FMR1NB: variants seen among roughly 807,000 people sequenced by gnomAD.
The protein encoded by FMR1NB is FMR1 neighbor protein.
A neutral mutation model predicts 16.8 loss-of-function variants in FMR1NB; 10 were observed. That is an observed-to-expected ratio of 0.60 (90% CI 0.37 to 1.01). FMR1NB has a LOEUF of 1.01. FMR1NB is among the 50% of genes least tolerant of loss of function. FMR1NB has a pLI of 0.01. For synonymous variants in FMR1NB, 83 were observed against 79.1 expected, an observed-to-expected ratio of 1.05 and a Z score of -0.26; for missense variants, 205 against 204.8, an observed-to-expected ratio of 1.00 and a Z score of 0.00.
intron 1 of FMR1NB, among the ~76,000 whole-genome samples, chrX:147,998,192 T>C (rs1259910413): frequency 8.9e-6 from 1 of 112,241 alleles, no homozygotes; most frequent in African/African-American, 3.2e-5. Flanking sequence ...TAGCAAAGAC[T>C]TGGAACCAAC....
intron 4 of FMR1NB, among the ~76,000 whole-genome samples, chrX:148,022,671 A>G (rs533364520): frequency 1.1e-4 from 12 of 111,527 alleles, no homozygotes; most frequent in South Asian, 7.7e-4. Context: ...ATTAGGTAGA[A>G]TAGCTAACCT....
chrX:147,998,628 G>T lies in FMR1NB; in HGVS notation c.278-4573G>T, dbSNP rs782091284. ...AAAAAGACAAAGTTTATAAAGATTTGCCCTATGGCAAGTGATGTCAGCCGT... is the reference window on the plus strand; with the variant it reads ...AAAAAGACAAAGTTTATAAAGATTTTCCCTATGGCAAGTGATGTCAGCCGT... On this transcript the variant is annotated intron_variant, in intron 1 of 5. Transcript: ENST00000370467. Among the ~76,000 whole-genome samples the T allele has an allele frequency of 1.4e-4, 16 of 112,654 alleles. No homozygotes were observed. In the South Asian group the frequency reaches 5.9e-3, roughly 41 times the overall value.
chrX:148,020,537 A>AC (rs2044673114), intron 4 of FMR1NB, among the ~76,000 whole-genome samples: 1 of 111,697 alleles, frequency 9.0e-6, no homozygotes, highest in Admixed American at 9.5e-5. Context: ...TCAAAGTCTC[A>AC]CCCAAGGCTC....
chrX:148,015,330 G>T (rs782570881), intron 4 of FMR1NB, among the ~76,000 whole-genome samples: 1 of 110,813 alleles, frequency 9.0e-6, no homozygotes, highest in South Asian at 3.8e-4. Flanking sequence ...ATTTATTTCT[G>T]CTCTCATCTT....
At chrX:148,018,890 C>A (rs1557190369) in intron 4 of FMR1NB, among the ~76,000 whole-genome samples, 1 of 111,393 alleles carries the variant, frequency 9.0e-6, no homozygotes, top group Non-Finnish European at 1.9e-5. Context: ...AACAGGCAAC[C>A]TACAAAATGG....
intron 4 of FMR1NB, among the ~76,000 whole-genome samples, chrX:148,021,094 G>A (rs1165956802): frequency 2.7e-5 from 3 of 111,961 alleles, no homozygotes; most frequent in African/African-American, 9.8e-5. Context: ...TTCCTCTCTG[G>A]CTAGGTCTGG....
chrX:147,998,243 G>T (rs1342426843), intron 1 of FMR1NB, among the ~76,000 whole-genome samples: 1 of 112,124 alleles, frequency 8.9e-6, no homozygotes, highest in Non-Finnish European at 1.9e-5. Flanking sequence ...AGAAAATATG[G>T]CACATATACA....
chrX:148,010,330 C>T (rs1307427182), intron 4 of FMR1NB, among the ~76,000 whole-genome samples: 2 of 112,338 alleles, frequency 1.8e-5, no homozygotes, highest in African/African-American at 6.5e-5. Context: ...GAGCAGGTAG[C>T]AGATTCATCT....
chrX:148,001,600 A>C (rs2044570755), intron 1 of FMR1NB, among the ~76,000 whole-genome samples: 1 of 110,386 alleles, frequency 9.1e-6, no homozygotes, highest in Admixed American at 9.8e-5. Flanking sequence ...AAATACAAAA[A>C]TTAGTTGAGC....
chrX:147,995,217 C>T (rs1056885464), intron 1 of FMR1NB, among the ~76,000 whole-genome samples: 1 of 112,125 alleles, frequency 8.9e-6, no homozygotes, highest in Non-Finnish European at 1.9e-5. Context: ...TGTTTTAAGC[C>T]ACCCAGTTTA....
At position 148,003,234 on chromosome X, in the gene FMR1NB, T is replaced by A. The variant is rs2044579803; in HGVS notation, c.311T>A (p.Ile104Asn). 1 of 1,210,629 alleles carries A rather than the reference T, an allele frequency of 8.3e-7. No homozygotes were observed. The highest frequency in any genetic ancestry group is 1.1e-6 in the Non-Finnish European group (1 of 894,332). ...SSYFVLANGHILPNSENAHGQ... is the reference protein window; with the variant it reads ...SSYFVLANGHNLPNSENAHGQ... ...TATTTTGTGCTTGCAAATGGACATA[T>A]CCTGCCCAACAGTGAAAATGCTCAT... The change falls in exon 2 of 6, where the codon ATC becomes AAC. Residue 104 changes from isoleucine (I) to asparagine (N), a missense_variant. Coordinates refer to ENST00000370467, the MANE Select transcript of FMR1NB (RefSeq NM_152578.3).
At chrX:147,993,395 G>GGGGAGA (rs200833296) in intron 1 of FMR1NB, among the ~76,000 whole-genome samples, 22,240 of 107,583 alleles carry the variant, frequency 0.21, 2,056 homozygotes, top group East Asian at 0.64. Flanking sequence ...GGGAGACCGT[G>GGGGAGA]GGGAGAGGGA....
intron 2 of FMR1NB, 121 bp downstream of exon 2, chrX:148,003,441 T>C: frequency 2.6e-6 from 2 of 777,448 alleles, no homozygotes; most frequent in East Asian, 6.8e-5. Flanking sequence ...GTTTGAATCC[T>C]GGCTCTGCTC....
At chrX:147,983,134 T>G (rs1344921408) in intron 1 of FMR1NB, among the ~76,000 whole-genome samples, 1 of 111,820 alleles carries the variant, frequency 8.9e-6, no homozygotes, top group Non-Finnish European at 1.9e-5. Context: ...TGTAGGGATA[T>G]ACTATATTTT....
chrX:147,996,412 G>C (rs1434981622), intron 1 of FMR1NB, among the ~76,000 whole-genome samples: 5 of 111,114 alleles, frequency 4.5e-5, no homozygotes, highest in Admixed American at 2.9e-4. Flanking sequence ...GCAGAGTCAG[G>C]ATACAAACTC....
intron 1 of FMR1NB, among the ~76,000 whole-genome samples, chrX:147,982,899 A>T (rs1482344892): frequency 8.9e-6 from 1 of 112,355 alleles, no homozygotes; most frequent in Non-Finnish European, 1.9e-5. Flanking sequence ...ATCTCAAAAA[A>T]ATGAAAAAAA....
At chrX:148,016,577 G>A (rs946066066) in intron 4 of FMR1NB, among the ~76,000 whole-genome samples, 4 of 111,204 alleles carry the variant, frequency 3.6e-5, no homozygotes, top group African/African-American at 6.5e-5. Flanking sequence ...ACTTTCTCTG[G>A]TGATATGATT....
In FMR1NB at chrX:148,025,027, G is replaced by A; in HGVS notation, c.*13+14G>A. On this transcript the variant is annotated intron_variant, in intron 5 of 5. Transcript: ENST00000370467. ...AAGAGACCAAAGGTAATTGACAATA[G>A]GATATAAAGTTGAAGTGCTCAATCT... 2.5e-6 allele frequency: 3 copies of A among 1,202,038 alleles called. No individual in the cohort carries two copies. Among genetic ancestry groups the A allele is most frequent in the Non-Finnish European group, 3.4e-6 (3 of 889,613 alleles).
intron 4 of FMR1NB, among the ~76,000 whole-genome samples, chrX:148,014,195 G>C (rs925886333): frequency 1.8e-4 from 20 of 110,993 alleles, no homozygotes; most frequent in African/African-American, 5.9e-4. Context: ...TCTGAGATGG[G>C]GCCGCAAGTG....
Sources: gnomAD v4.1 joint callset for allele counts (sites outside exome capture counted in the v4.1 genomes callset) on GRCh38, gnomAD v4.1.1 for gene constraint, MANE v1.5 for transcripts, NCBI Gene and HGNC (gene_info 2026-07-23, HGNC 2026-07-21) for gene names.